ZFHX3: variants seen among roughly 807,000 people sequenced by gnomAD.
ZFHX3 encodes zinc finger homeobox 3.
In ZFHX3, 42 loss-of-function variants were observed where a neutral mutation model predicts 279.1. The observed-to-expected ratio is 0.15, with a 90% confidence interval of 0.12 to 0.19. The LOEUF (loss-of-function observed/expected upper bound fraction) is 0.19. Among genes scored for constraint, ZFHX3 ranks in the 10% least tolerant of loss-of-function variants. The pLI is 1.00. For synonymous variants in ZFHX3, 2,293 were observed against 1,957.8 expected, an observed-to-expected ratio of 1.17 and a Z score of -4.52; for missense variants, 4,981 against 4,754.0, an observed-to-expected ratio of 1.05 and a Z score of -1.40.
rs755516522 is a variant in ZFHX3, at chr16:72,788,113, T to TGCTGCTGCTGCTGTAGTTGCC, written c.10142_10162dup (p.Arg3381_Gln3387dup). 15 of 1,608,192 alleles carry TGCTGCTGCTGCTGTAGTTGCC rather than the reference T, an allele frequency of 9.3e-6. No individual in the cohort carries two copies. The highest frequency in any genetic ancestry group is 2.2e-5 in the East Asian group (1 of 44,754). ...GGGCTGCTGCTGCTGCACTTTTTGC[T>TGCTGCTGCTGCTGTAGTTGCC]GCTGCTGCTGCTGTAGTTGCCGCTG... On this transcript the variant is annotated inframe_insertion, in exon 10 of 10. Transcript: ENST00000268489.
rs60214410 is a variant in ZFHX3 at position 73,241,790 on chromosome 16, CAAAAAAAAAAA to C, written c.-1104+15246_-1104+15256del. ...GGGCAATAAGAGCAAAACTCCGTCT[CAAAAAAAAAAA>C]AAAAAAAAAAAAAAGGAGTGTTGGG... is the stretch of plus-strand genomic sequence containing the variant. On this transcript the variant is annotated intron_variant, in intron 5 of 17. Coordinates refer to the ZFHX3 transcript ENST00000641206. 6.0e-4 allele frequency among the ~76,000 whole-genome samples: 31 copies of C among 51,286 alleles called. No individual in the cohort carries two copies. The East Asian group carries it at 0.016, about 27-fold the overall frequency. The allele number at this position is 51,286 out of a possible 152,430, so 33.6% of individuals were successfully genotyped here.
chr16:73,329,820 C>A (rs1261907302), intron 3 of ZFHX3, among the ~76,000 whole-genome samples: 2 of 152,290 alleles, frequency 1.3e-5, no homozygotes, highest in East Asian at 3.9e-4. Flanking sequence ...ACACAAGTGA[C>A]AAGTTATGGG....
At chr16:73,212,455 G>C (rs754527540) in intron 5 of ZFHX3, among the ~76,000 whole-genome samples, 2 of 152,132 alleles carry the variant, frequency 1.3e-5, no homozygotes, top group Non-Finnish European at 2.9e-5. Context: ...CATACATCCA[G>C]TTTATCCATT....
At chr16:73,668,657 A>C (rs1467431862) in intron 2 of ZFHX3, among the ~76,000 whole-genome samples, 1 of 146,950 alleles carries the variant, frequency 6.8e-6, no homozygotes, top group South Asian at 2.1e-4. Context: ...TTTTTTTTGC[A>C]ATCTATCCAT....
At chr16:73,558,612 G>A (rs1439663649) in intron 2 of ZFHX3, 3 of 152,004 alleles carry the variant, frequency 2.0e-5, no homozygotes, top group Admixed American at 6.6e-5. Flanking sequence ...CGGCTGGAGG[G>A]ACCACGGTGA....
At position 73,689,837 on chromosome 16, in the gene ZFHX3, T is replaced by TTTC. The variant is rs1567552800; in HGVS notation, c.-1607-9598_-1607-9597insGAA. On this transcript the variant is annotated intron_variant, in intron 1 of 17. Coordinates refer to the ZFHX3 transcript ENST00000641206. ...TTTTTGTTTTTTTTGTTGTTGTTGT[T>TTTC]TTTTTGAGATGGAGTCTCGCTCTGT... Among the ~76,000 whole-genome samples the TTTC allele has an allele frequency of 1.3e-3, 204 of 152,018 alleles. 1 individual carries two copies. The highest frequency in any genetic ancestry group is 4.8e-3 in the African/African-American group (197 of 41,444).
chr16:73,376,881 T>C (rs921099722), intron 3 of ZFHX3, among the ~76,000 whole-genome samples: 5 of 152,210 alleles, frequency 3.3e-5, no homozygotes, highest in African/African-American at 7.2e-5. Flanking sequence ...CAATATATTA[T>C]GGTAAGACCT....
At chr16:73,555,398 C>T (rs1378451200) in intron 2 of ZFHX3, among the ~76,000 whole-genome samples, 2 of 152,028 alleles carry the variant, frequency 1.3e-5, no homozygotes, top group African/African-American at 2.4e-5. Context: ...TCGTGATCCG[C>T]CTGCCTCGGC....
chr16:73,731,474 T>C (rs960931799), intron 1 of ZFHX3, among the ~76,000 whole-genome samples: 2 of 152,102 alleles, frequency 1.3e-5, no homozygotes, highest in Non-Finnish European at 2.9e-5. Flanking sequence ...GTGTTTTTTT[T>C]TTTGTTAGAA....
At chr16:73,632,741 T>C (rs184382437) in intron 2 of ZFHX3, among the ~76,000 whole-genome samples, 1 of 148,558 alleles carries the variant, frequency 6.7e-6, no homozygotes, top group East Asian at 2.0e-4. Flanking sequence ...AATAGAAAGA[T>C]TTGATGAGCA....
chr16:73,699,118 C>T (rs76848923), intron 1 of ZFHX3, among the ~76,000 whole-genome samples: 14,571 of 152,150 alleles, frequency 0.096, 1,626 homozygotes, highest in African/African-American at 0.26. Context: ...CTCCTGACTT[C>T]GTGATCCGCC....
chr16:73,410,930 C>T (rs2017453494), intron 3 of ZFHX3, among the ~76,000 whole-genome samples: 1 of 152,220 alleles, frequency 6.6e-6, no homozygotes, highest in African/African-American at 2.4e-5. Flanking sequence ...TGCAGAACTA[C>T]AGCCCAGCAC....
chr16:73,599,391 G>A lies in ZFHX3; in HGVS notation c.-1547+80789C>T, dbSNP rs530772150. 3.3e-5 allele frequency among the ~76,000 whole-genome samples: 5 copies of A among 152,334 alleles called. No individual in the cohort carries two copies. In the South Asian group the frequency reaches 1.0e-3, roughly 32 times the overall value. On this transcript the variant is annotated intron_variant, in intron 2 of 17. Transcript: ENST00000641206. ...CAGGACCAGCTACATAATTTGCAAG[G>A]TCTGGTGCAAAATGAAAACGTGGAG...
At chr16:73,484,802 C>T (rs1394531658) in intron 2 of ZFHX3, among the ~76,000 whole-genome samples, 1 of 152,190 alleles carries the variant, frequency 6.6e-6, no homozygotes, top group Non-Finnish European at 1.5e-5. Flanking sequence ...CATCTATGTT[C>T]CTCCAGTTAC....
Position 72,798,719 on chromosome 16 carries a change from TAAAAAAA to T in ZFHX3, c.3968-12_3968-6del. The T allele has an allele frequency of 1.4e-6, 2 of 1,432,438 alleles. No homozygotes were observed. The highest frequency in any genetic ancestry group is 1.8e-6 in the Non-Finnish European group (2 of 1,085,610). The allele number at this position is 1,432,438 out of a possible 1,614,324, so 88.7% of individuals were successfully genotyped here. A position where few individuals can be genotyped will look rare whatever the true frequency, so the allele number is the denominator to read the frequency against. ...TTCCCAGATCCTCTGAGGTTTCTGT[TAAAAAAA>T]AAAAAAAAATCAAACCCAAAGATAA... On this transcript the variant is annotated splice_region_variant and splice_polypyrimidine_tract_variant and intron_variant, in intron 8 of 9. Transcript: ENST00000268489.
chr16:72,899,608 T>C (rs992822774), intron 3 of ZFHX3, among the ~76,000 whole-genome samples: 1 of 152,146 alleles, frequency 6.6e-6, no homozygotes. Flanking sequence ...CTGTTGCCAA[T>C]AATGATGGTT....
intron 7 of ZFHX3, among the ~76,000 whole-genome samples, chr16:73,096,024 CG>C (rs2144783139): frequency 6.6e-6 from 1 of 152,174 alleles, no homozygotes; most frequent in Non-Finnish European, 1.5e-5. Context: ...GTTGGAAAGA[CG>C]ATGTGATTGA....
intron 7 of ZFHX3, among the ~76,000 whole-genome samples, chr16:73,097,023 C>T (rs1261132697): frequency 1.3e-5 from 2 of 151,874 alleles, no homozygotes; most frequent in African/African-American, 4.8e-5. Context: ...CATCTCTTCT[C>T]TTCTCTTTCT....
intron 3 of ZFHX3, among the ~76,000 whole-genome samples, chr16:73,412,560 C>G (rs377460952): frequency 1.3e-5 from 2 of 152,158 alleles, no homozygotes; most frequent in South Asian, 4.1e-4. Context: ...CCTCTTCCAT[C>G]CCGGCCTCAT....
Sources: allele counts gnomAD v4.1 joint callset (sites outside exome capture counted in the v4.1 genomes callset), GRCh38; gene constraint gnomAD v4.1.1; transcripts MANE v1.5; gene names NCBI Gene and HGNC (gene_info 2026-07-23, HGNC 2026-07-21).